Variants in ELFN1 observed in about 807,000 individuals in gnomAD.
The protein encoded by ELFN1 is extracellular leucine rich repeat and fibronectin type III domain containing 1, also known as protein ELFN1.
ELFN1 carries 6 observed loss-of-function variants against 7.6 expected under a neutral mutation model. The ratio of observed to expected loss-of-function variants is 0.79; its 90% CI spans 0.43 to 1.56. The LOEUF is 1.56. Among genes scored for constraint, ELFN1 ranks in the 40% most tolerant of loss-of-function variants. ELFN1 has a pLI of 0.01. For missense variants in ELFN1, 1,169 were observed against 1,232.2 expected, an observed-to-expected ratio of 0.95 and a Z score of 0.77; for synonymous variants, 657 against 588.1, an observed-to-expected ratio of 1.12 and a Z score of -1.70.
chr7:1,689,050 G>A (rs1034452076), intron 2 of ELFN1, among the ~76,000 whole-genome samples: 6 of 152,152 alleles, frequency 3.9e-5, no homozygotes, highest in South Asian at 4.1e-4. Flanking sequence ...TCAAAGCATC[G>A]TTAAGTCAGG....
chr7:1,673,801 G>C lies in ELFN1; in HGVS notation c.-549+3447G>C, dbSNP rs1295148271. Among the ~76,000 whole-genome samples the C allele has an allele frequency of 1.3e-5, 2 of 152,226 alleles. No homozygotes were observed. Among genetic ancestry groups the C allele is most frequent in the African/African-American group, 2.4e-5 (1 of 41,466 alleles). ...GGTCCAGCCGGTCCATTTTCCAGAA[G>C]GGTCCAGCATCGCCCGAGGTCACAC... On this transcript the variant is annotated intron_variant, in intron 1 of 3. Coordinates refer to ENST00000424383, the MANE Select transcript of ELFN1 (RefSeq NM_001128636.4). The surrounding 1 kb of genome is among the most constrained non-coding windows in gnomAD (Gnocchi z 4.7).
intron 3 of ELFN1, among the ~76,000 whole-genome samples, chr7:1,734,580 C>A (rs28444079): frequency 9.2e-5 from 14 of 152,328 alleles, no homozygotes; most frequent in African/African-American, 3.4e-4. Flanking sequence ...CCAGGCACCC[C>A]CTTCCCGACC....
intron 2 of ELFN1, among the ~76,000 whole-genome samples, chr7:1,698,491 A>G (rs572431928): frequency 6.6e-6 from 1 of 152,228 alleles, no homozygotes; most frequent in African/African-American, 2.4e-5. Context: ...TTTTTTTACA[A>G]CATATAAAAC....
intron 3 of ELFN1, among the ~76,000 whole-genome samples, chr7:1,737,934 C>T (rs182340471): frequency 6.6e-6 from 1 of 152,312 alleles, no homozygotes; most frequent in Admixed American, 6.5e-5. Context: ...TGCCGGCCAC[C>T]CCTTCCAGCT....
intron 3 of ELFN1, among the ~76,000 whole-genome samples, chr7:1,731,257 C>T (rs2128598538): frequency 1.3e-5 from 2 of 152,198 alleles, no homozygotes; most frequent in East Asian, 3.8e-4. Context: ...CATCCATCAA[C>T]AGGCTCGCAG....
upstream of ELFN1, among the ~76,000 whole-genome samples, chr7:1,670,022 C>T (rs1389806062): frequency 6.6e-6 from 1 of 151,112 alleles, no homozygotes; most frequent in Non-Finnish European, 1.5e-5. The surrounding 1 kb of genome is among the most constrained non-coding windows in gnomAD (Gnocchi z 6.4). Flanking sequence ...CGCGGGGAGC[C>T]GAGGAGAGCA....
intron 1 of ELFN1, among the ~76,000 whole-genome samples, chr7:1,676,331 C>T (rs1393757329): frequency 6.6e-6 from 1 of 152,186 alleles, no homozygotes; most frequent in African/African-American, 2.4e-5. Flanking sequence ...GAGGGACCAC[C>T]CCTGCATCTA....
chr7:1,670,493 C>T lies in ELFN1; in HGVS notation c.-549+139C>T, dbSNP rs1400416254. Among the ~76,000 whole-genome samples, 1 of 151,628 alleles carries T rather than the reference C, an allele frequency of 6.6e-6. No homozygotes were observed. The highest frequency in any genetic ancestry group is 1.5e-5 in the Non-Finnish European group (1 of 67,832). On this transcript the variant is annotated intron_variant, in intron 1 of 3. Transcript: ENST00000424383. The surrounding 1 kb of genome is among the most constrained non-coding windows in gnomAD (Gnocchi z 6.4). ...GCGCAGCGTGCGCCCCCAGCCCCTG[C>T]TGCGCCCCCAGGCCTGGCGCGCGAT... is the stretch of plus-strand genomic sequence containing the variant.
At position 1,675,236 on chromosome 7, in the gene ELFN1, A is replaced by G. The variant is rs573843870; in HGVS notation, c.-549+4882A>G. On this transcript the variant is annotated intron_variant, in intron 1 of 3. Transcript: ENST00000424383. ...CTGCTGTCCGCCCCACTCCAGTGGT[A>G]ACTTCTGTCAGAGGGCTTGTCACAG... Among the ~76,000 whole-genome samples, 72 of 152,284 alleles carry G rather than the reference A, an allele frequency of 4.7e-4. 1 individual carries two copies. Among genetic ancestry groups the G allele is most frequent in the African/African-American group, 1.6e-3 (67 of 41,562 alleles).
At chr7:1,689,274 A>G (rs557680733) in intron 2 of ELFN1, among the ~76,000 whole-genome samples, 3 of 152,374 alleles carry the variant, frequency 2.0e-5, no homozygotes, top group South Asian at 2.1e-4. Context: ...ATGCTCACGC[A>G]TGTGTGTGCT....
intron 3 of ELFN1, among the ~76,000 whole-genome samples, chr7:1,725,937 CAAAT>C (rs1780181588): frequency 6.8e-6 from 1 of 148,066 alleles, no homozygotes; most frequent in African/African-American, 2.6e-5. Context: ...CTCGCACTCA[CAAAT>C]ACACACGCAC....
chr7:1,684,459 C>G (rs1779027815), intron 1 of ELFN1, among the ~76,000 whole-genome samples: 1 of 152,282 alleles, frequency 6.6e-6, no homozygotes, highest in South Asian at 2.1e-4. Flanking sequence ...AGTCCATTCA[C>G]ACTTAATGCA....
intron 3 of ELFN1, among the ~76,000 whole-genome samples, chr7:1,736,059 C>T (rs917962688): frequency 1.3e-5 from 2 of 152,192 alleles, no homozygotes; most frequent in Non-Finnish European, 2.9e-5. Flanking sequence ...CTAGCTGGGC[C>T]GGGTCACCGT....
chr7:1,722,509 T>C (rs2128593971), intron 3 of ELFN1, among the ~76,000 whole-genome samples: 1 of 151,948 alleles, frequency 6.6e-6, no homozygotes, highest in African/African-American at 2.4e-5. Context: ...CCTCTGGTGA[T>C]CCACCCCCCG....
intron 3 of ELFN1, among the ~76,000 whole-genome samples, chr7:1,711,927 C>A (rs768086772): frequency 1.4e-4 from 21 of 152,240 alleles, no homozygotes; most frequent in Admixed American, 4.6e-4. Context: ...CTGAGACCCA[C>A]GTTGCGGCAG....
chr7:1,692,993 T>G (rs1779205070), intron 2 of ELFN1: 1 of 262,772 alleles, frequency 3.8e-6, no homozygotes, highest in Non-Finnish European at 7.7e-6. Context: ...CTGGCCGGGC[T>G]GTTACTCTCT....
At position 1,711,575 on chromosome 7, in the gene ELFN1, TGAGAGAGAGAGAGAGAGAGA is replaced by T. The variant is rs55658122; in HGVS notation, c.-294+2356_-294+2375del. 2.2e-3 allele frequency among the ~76,000 whole-genome samples: 195 copies of T among 87,580 alleles called. 1 individual carries two copies. The highest frequency in any genetic ancestry group is 4.8e-3 in the African/African-American group (102 of 21,226). 57.5% of individuals were successfully genotyped at this position (87,580 alleles called of 152,430 possible). A position where few individuals can be genotyped will look rare whatever the true frequency, so the allele number is the denominator to read the frequency against. ...AAACCTTGAAGAGAGAGCGAGAGAG[TGAGAGAGAGAGAGAGAGAGA>T]GAGAGAGAGAGAGAGAGAGAGAGAG... On this transcript the variant is annotated intron_variant, in intron 3 of 3. Transcript: ENST00000424383.
intron 3 of ELFN1, among the ~76,000 whole-genome samples, chr7:1,741,458 A>C (rs1780611519): frequency 6.6e-6 from 1 of 152,160 alleles, no homozygotes; most frequent in Non-Finnish European, 1.5e-5. Flanking sequence ...CCCTCATCAC[A>C]CAGGCTCCCC....
chr7:1,685,432 C>T (rs1437212023), intron 1 of ELFN1, among the ~76,000 whole-genome samples: 1 of 152,136 alleles, frequency 6.6e-6, no homozygotes, highest in Non-Finnish European at 1.5e-5. Flanking sequence ...TCTTGAGACT[C>T]CCATCACCAC....
Sources: allele counts gnomAD v4.1 joint callset (sites outside exome capture counted in the v4.1 genomes callset), GRCh38; gene constraint gnomAD v4.1.1; non-coding constraint Gnocchi (gnomAD v3.1); transcripts MANE v1.5; gene names NCBI Gene and HGNC (gene_info 2026-07-23, HGNC 2026-07-21).